CSMD1: variants seen among roughly 807,000 people sequenced by gnomAD.
CSMD1 encodes CUB and sushi domain-containing protein 1.
Under a neutral mutation model 417.5 loss-of-function variants are expected in CSMD1, and 213 were observed. That is an observed-to-expected ratio of 0.51 (90% CI 0.46 to 0.57). CSMD1 has a LOEUF of 0.57. Among genes scored for constraint, CSMD1 ranks in the 20% least tolerant of loss-of-function variants. The pLI is 0.00. For synonymous variants in CSMD1, 2,862 were observed against 1,736.8 expected (o/e 1.65, Z -16.11); for missense variants, 6,923 against 4,529.7 (o/e 1.53, Z -15.17).
chr8:4,773,719 T>C (rs149941637), intron 1 of CSMD1, among the ~76,000 whole-genome samples: 208 of 152,318 alleles, frequency 1.4e-3, no homozygotes, highest in African/African-American at 4.9e-3. Flanking sequence ...ACCACTCTTA[T>C]GATGAACATT....
chr8:3,647,698 T>G (rs768721504), intron 7 of CSMD1, among the ~76,000 whole-genome samples: 2 of 152,192 alleles, frequency 1.3e-5, no homozygotes, highest in Middle Eastern at 3.2e-3. Flanking sequence ...TGTAAGACAT[T>G]GATTTTCTTT....
Position 3,708,363 on chromosome 8 carries a change from C to T in CSMD1, c.1009+51G>A, listed in dbSNP as rs1801298634. 12 of 1,500,476 alleles carry T rather than the reference C, an allele frequency of 8.0e-6. No individual in the cohort carries two copies. The Admixed American group carries it at 8.4e-5, about 10-fold the overall frequency. The allele number at this position is 1,500,476 out of a possible 1,614,324, so 92.9% of individuals were successfully genotyped here. A position where few individuals can be genotyped will look rare whatever the true frequency, so the allele number is the denominator to read the frequency against. Reference sequence around the variant, plus strand: ...CGCTTCTTAACTGCTCCATTCTCTCCTCTGCTTACAAGGGCGTATCAATCC... The same window carrying T: ...CGCTTCTTAACTGCTCCATTCTCTCTTCTGCTTACAAGGGCGTATCAATCC... On this transcript the variant is annotated intron_variant, in intron 7 of 69. Transcript: ENST00000635120.
chr8:4,180,305 T>C (rs1228309018), intron 3 of CSMD1, among the ~76,000 whole-genome samples: 5 of 151,992 alleles, frequency 3.3e-5, no homozygotes, highest in African/African-American at 9.6e-5. Context: ...GAAATCATCA[T>C]TGTCAGTAAA....
At chr8:3,248,995 T>G (rs551120785) in intron 26 of CSMD1, among the ~76,000 whole-genome samples, 103 of 152,220 alleles carry the variant, frequency 6.8e-4, no homozygotes, top group African/African-American at 2.2e-3. Flanking sequence ...AAGGTGCACT[T>G]GCTGAGCTCA....
chr8:3,259,387 T>G (rs1395775395), intron 26 of CSMD1, among the ~76,000 whole-genome samples: 1 of 151,942 alleles, frequency 6.6e-6, no homozygotes, highest in African/African-American at 2.4e-5. Flanking sequence ...GGCTGCAGGT[T>G]TACGGACACT....
At chr8:4,296,839 G>C (rs1476009863) in intron 3 of CSMD1, among the ~76,000 whole-genome samples, 1 of 151,624 alleles carries the variant, frequency 6.6e-6, no homozygotes, top group Non-Finnish European at 1.5e-5. Context: ...ATCTGTGGAG[G>C]GCCTGCTATC....
At chr8:4,341,392 G>C (rs755768754) in intron 3 of CSMD1, among the ~76,000 whole-genome samples, 1 of 152,084 alleles carries the variant, frequency 6.6e-6, no homozygotes, top group African/African-American at 2.4e-5. Context: ...TAGTACTGAA[G>C]AAAGCCTTGA....
chr8:4,413,807 G>C (rs963669549), intron 3 of CSMD1, among the ~76,000 whole-genome samples: 1 of 152,148 alleles, frequency 6.6e-6, no homozygotes, highest in African/African-American at 2.4e-5. Context: ...TAAGCCTAGA[G>C]ATAACTAAGG....
intron 23 of CSMD1, among the ~76,000 whole-genome samples, chr8:3,310,419 A>G (rs1805237875): frequency 6.6e-6 from 1 of 152,224 alleles, no homozygotes; most frequent in Admixed American, 6.5e-5. Flanking sequence ...GGGGATGACC[A>G]CCAGCAAACT....
intron 43 of CSMD1, among the ~76,000 whole-genome samples, chr8:3,109,136 G>A (rs1389396334): frequency 3.9e-5 from 6 of 152,162 alleles, no homozygotes; most frequent in Admixed American, 6.5e-5. Flanking sequence ...CTGGTGGCAC[G>A]CACTTGTAGT....
rs961482128 is a variant in CSMD1, at chr8:4,594,561, T to C, written c.302+42781A>G. Among the ~76,000 whole-genome samples, 4 of 152,256 alleles carry C rather than the reference T, an allele frequency of 2.6e-5. No homozygotes were observed. The East Asian group carries it at 7.7e-4, about 29-fold the overall frequency. On this transcript the variant is annotated intron_variant, in intron 2 of 69. Coordinates refer to ENST00000635120, the MANE Select transcript of CSMD1 (RefSeq NM_033225.6). ...GTTATTGGGATTTAGGAATTTGATGTGTGCGTTTTTTTGGAGGGGGGCACA... is the reference window on the plus strand; with the variant it reads ...GTTATTGGGATTTAGGAATTTGATGCGTGCGTTTTTTTGGAGGGGGGCACA...
chr8:3,532,574 G>T (rs556497077), intron 10 of CSMD1, among the ~76,000 whole-genome samples: 1 of 152,288 alleles, frequency 6.6e-6, no homozygotes, highest in East Asian at 1.9e-4. Flanking sequence ...CACAGGATTT[G>T]ATGAGTGATT....
intron 1 of CSMD1, among the ~76,000 whole-genome samples, chr8:4,875,212 G>A (rs1289984415): frequency 6.6e-6 from 1 of 151,926 alleles, no homozygotes; most frequent in Non-Finnish European, 1.5e-5. Flanking sequence ...TTTAAAAGCT[G>A]AGAAGGAAAA....
chr8:4,446,585 A>T (rs955293500), intron 2 of CSMD1, among the ~76,000 whole-genome samples: 3 of 152,042 alleles, frequency 2.0e-5, no homozygotes, highest in Non-Finnish European at 4.4e-5. Flanking sequence ...ATGGAGTCTC[A>T]TTCTGTCACC....
intron 5 of CSMD1, among the ~76,000 whole-genome samples, chr8:3,918,550 G>A (rs1044888356): frequency 6.6e-6 from 1 of 151,792 alleles, no homozygotes; most frequent in African/African-American, 2.4e-5. Flanking sequence ...GTTTTCTATT[G>A]AAGTATATGC....
intron 2 of CSMD1, among the ~76,000 whole-genome samples, chr8:4,464,031 A>G (rs7841776): frequency 0.17 from 25,335 of 152,010 alleles, 2,356 homozygotes; most frequent in African/African-American, 0.24. Flanking sequence ...ATATTAATTC[A>G]GTTTACGAAT....
chr8:3,832,955 T>C (rs1802459356), intron 5 of CSMD1, among the ~76,000 whole-genome samples: 1 of 152,244 alleles, frequency 6.6e-6, no homozygotes, highest in Non-Finnish European at 1.5e-5. Context: ...TTTTAACAAG[T>C]GAATATCAAT....
At chr8:3,093,128 C>T (rs964284283) in intron 47 of CSMD1, among the ~76,000 whole-genome samples, 5 of 151,996 alleles carry the variant, frequency 3.3e-5, no homozygotes, top group African/African-American at 1.2e-4. Flanking sequence ...ACCCTCTGGG[C>T]TTGGAAATGT....
Position 3,848,003 on chromosome 8 carries a change from G to C in CSMD1, c.819-93961C>G, listed in dbSNP as rs188496394. On this transcript the variant is annotated intron_variant, in intron 5 of 69. Coordinates refer to ENST00000635120, the MANE Select transcript of CSMD1 (RefSeq NM_033225.6). ...ATTCATCTCTATTCTGTGTATCTTG[G>C]ATGGGGCACTTCTTTCCTGACACAT... 6.3e-3 allele frequency among the ~76,000 whole-genome samples: 960 copies of C among 151,602 alleles called. 11 individuals carry two copies. Among genetic ancestry groups the C allele is most frequent in the South Asian group, 0.026 (125 of 4,778 alleles).
Sources: allele counts gnomAD v4.1 joint callset (sites outside exome capture counted in the v4.1 genomes callset), GRCh38; gene constraint gnomAD v4.1.1; transcripts MANE v1.5; gene names NCBI Gene and HGNC (gene_info 2026-07-23, HGNC 2026-07-21).